TRIM37: variants seen among roughly 807,000 people sequenced by gnomAD.
TRIM37 encodes tripartite motif containing 37, also known as E3 ubiquitin-protein ligase TRIM37.
A neutral mutation model predicts 129.8 loss-of-function variants in TRIM37; 80 were observed. The observed-to-expected ratio is 0.62, with a 90% CI of 0.51 to 0.74. The LOEUF is 0.74. Among genes scored for constraint, TRIM37 ranks in the 30% least tolerant of loss-of-function variants. The pLI, the probability that TRIM37 is intolerant of heterozygous loss-of-function variation, is 0.00. For missense variants in TRIM37, 1,054 were observed against 1,176.5 expected (o/e 0.90, Z 1.52); for synonymous variants, 389 against 387.1 (o/e 1.00, Z -0.06).
At chr17:59,022,986 T>C (rs1017795212) in intron 19 of TRIM37, among the ~76,000 whole-genome samples, 3 of 152,164 alleles carry the variant, frequency 2.0e-5, no homozygotes, top group African/African-American at 7.2e-5. Flanking sequence ...ATTCGAATTT[T>C]TTTCAACCAG....
chr17:59,084,385 T>A (rs2043569262), intron 4 of TRIM37, among the ~76,000 whole-genome samples: 2 of 152,190 alleles, frequency 1.3e-5, no homozygotes. Flanking sequence ...GATGATATAT[T>A]CTATTGTACT....
intron 24 of TRIM37, among the ~76,000 whole-genome samples, chr17:58,989,051 G>A (rs911704679): frequency 6.6e-6 from 1 of 152,186 alleles, no homozygotes; most frequent in African/African-American, 2.4e-5. Context: ...TCCTATGTGA[G>A]ATGTGTTGCT....
intron 22 of TRIM37, 82 bp downstream of exon 22, chr17:59,012,246 C>T (rs1395692408): frequency 1.1e-6 from 1 of 937,096 alleles, no homozygotes. Context: ...CCACCACCAC[C>T]ACCACCACCA....
intron 6 of TRIM37, 62 bp from the exon 7 acceptor site, chr17:59,079,939 A>G: frequency 1.3e-6 from 2 of 1,548,898 alleles, no homozygotes; most frequent in Non-Finnish European, 8.9e-7. Context: ...GAAGCACCAC[A>G]TTATAATATT....
At chr17:59,092,711 ATTTG>A (rs767444760) in intron 2 of TRIM37, among the ~76,000 whole-genome samples, 98 of 152,276 alleles carry the variant, frequency 6.4e-4, no homozygotes, top group Non-Finnish European at 1.1e-3. Flanking sequence ...AATATCTGTT[ATTTG>A]TTTATCTCTT....
At chr17:59,066,204 C>T (rs973121624) in intron 9 of TRIM37, among the ~76,000 whole-genome samples, 1 of 152,172 alleles carries the variant, frequency 6.6e-6, no homozygotes, top group Non-Finnish European at 1.5e-5. Context: ...TTTCTGGAAC[C>T]ATAAACCTAG....
intron 22 of TRIM37, among the ~76,000 whole-genome samples, chr17:59,002,502 T>TA (rs1432487830): frequency 6.6e-6 from 1 of 152,150 alleles, no homozygotes; most frequent in Non-Finnish European, 1.5e-5. Flanking sequence ...TTTAGCCTCT[T>TA]ACAGTGCTGG....
At chr17:58,974,578 A>G in the TRIM37 span, among the ~76,000 whole-genome samples, 8 of 152,118 alleles carry the variant, frequency 5.3e-5, no homozygotes, top group Non-Finnish European at 1.0e-4. Flanking sequence ...GCTTAGCTTC[A>G]CTTCCTGTTT....
At chr17:58,978,237 T>C (rs2031140457), downstream of TRIM37, among the ~76,000 whole-genome samples, 1 of 152,214 alleles carries the variant, frequency 6.6e-6, no homozygotes, top group Non-Finnish European at 1.5e-5. Context: ...AGTCTGACAC[T>C]AGTGCTGGTG....
At chr17:59,007,872 CT>C (rs1458573255) in intron 22 of TRIM37, among the ~76,000 whole-genome samples, 1 of 152,226 alleles carries the variant, frequency 6.6e-6, no homozygotes, top group Non-Finnish European at 1.5e-5. Context: ...TCCAGACAAC[CT>C]TCTCTTTGAG....
chr17:59,027,186 G>T (rs2037337676), intron 19 of TRIM37, among the ~76,000 whole-genome samples: 1 of 152,206 alleles, frequency 6.6e-6, no homozygotes, highest in African/African-American at 2.4e-5. Context: ...TATCTAGCAG[G>T]TGTCTCAAAT....
intron 7 of TRIM37, among the ~76,000 whole-genome samples, chr17:59,077,935 C>T (rs998599023): frequency 6.6e-6 from 1 of 150,804 alleles, no homozygotes; most frequent in Non-Finnish European, 1.5e-5. Context: ...ACTAGCCTGG[C>T]CAACATGGCG....
intron 24 of TRIM37, among the ~76,000 whole-genome samples, chr17:58,989,054 G>A (rs1304207786): frequency 6.6e-6 from 1 of 152,190 alleles, no homozygotes; most frequent in Non-Finnish European, 1.5e-5. Context: ...TATGTGAGAT[G>A]TGTTGCTATT....
Position 59,106,456 on chromosome 17 carries a change from A to T in TRIM37, c.6T>A (p.Asp2Glu), listed in dbSNP as rs761809845. Residue 2 changes from aspartate (D) to glutamate (E), a missense_variant, in exon 1 of 24, where the codon GAT becomes GAA. Around this residue, in one of 3 missense-constraint regions of TRIM37, gnomAD observed 752 missense variants for 870.8 expected, o/e 0.86. Coordinates refer to ENST00000262294, the MANE Select transcript of TRIM37 (RefSeq NM_015294.6). M[D>E]EQSVESIAEV... ...ACCCCCTCACCTCCACGCTCTGTTC[A>T]TCCATTGCCTCCGGCTCTCGGCGGG... The T allele has an allele frequency of 1.9e-6, 3 of 1,613,914 alleles. No homozygotes were observed. Among genetic ancestry groups the T allele is most frequent in the South Asian group, 1.1e-5 (1 of 91,076 alleles).
At chr17:58,971,058 T>TA in the TRIM37 span, among the ~76,000 whole-genome samples, 1 of 152,112 alleles carries the variant, frequency 6.6e-6, no homozygotes, top group East Asian at 1.9e-4. Context: ...TAGTTCTGAA[T>TA]AATTTAGGTT....
chr17:59,017,849 C>G (rs966017156), intron 19 of TRIM37, among the ~76,000 whole-genome samples: 1 of 152,048 alleles, frequency 6.6e-6, no homozygotes, highest in Non-Finnish European at 1.5e-5. Flanking sequence ...GGGTCTCGAA[C>G]ACCTGAACTC....
Position 58,999,350 on chromosome 17 carries a change from T to C in TRIM37, c.*27A>G. ...AGCAAAATTCAGGGTCAAGGTAGCTTGCAAGTCAGTTCTCTTGATTTGGCA... is the reference window on the plus strand; with the variant it reads ...AGCAAAATTCAGGGTCAAGGTAGCTCGCAAGTCAGTTCTCTTGATTTGGCA... On this transcript the variant is annotated 3_prime_UTR_variant, in exon 24 of 24. Coordinates refer to ENST00000262294, the MANE Select transcript of TRIM37 (RefSeq NM_015294.6). 6.2e-7 allele frequency: 1 copy of C among 1,613,830 alleles called. No individual in the cohort carries two copies. Among genetic ancestry groups the C allele is most frequent in the East Asian group, 2.2e-5 (1 of 44,840 alleles).
At chr17:59,078,634 T>C (rs2043016145) in intron 7 of TRIM37, among the ~76,000 whole-genome samples, 1 of 152,206 alleles carries the variant, frequency 6.6e-6, no homozygotes, top group Non-Finnish European at 1.5e-5. Context: ...TCTCAAATAT[T>C]ATCTAGAGTT....
chr17:59,034,178 T>G (rs191941336), intron 17 of TRIM37, among the ~76,000 whole-genome samples: 34 of 152,104 alleles, frequency 2.2e-4, no homozygotes, highest in Admixed American at 1.5e-3. Context: ...CGTTCTTATG[T>G]ATAGTTAAGT....
Sources: allele counts gnomAD v4.1 joint callset (sites outside exome capture counted in the v4.1 genomes callset), GRCh38; gene constraint gnomAD v4.1.1; regional missense constraint gnomAD v4.1.1; transcripts MANE v1.5; gene names NCBI Gene and HGNC (gene_info 2026-07-23, HGNC 2026-07-21).